The following SH3RF3 variants were observed in gnomAD, a reference collection of about 807,000 sequenced individuals.
The protein encoded by SH3RF3 is SH3 domain containing ring finger 3.
A neutral mutation model predicts 66.3 loss-of-function variants in SH3RF3; 29 were observed. The ratio of observed to expected loss-of-function variants is 0.44; its 90% CI spans 0.33 to 0.60. The LOEUF (loss-of-function observed/expected upper bound fraction) is 0.60. Ranked by LOEUF, SH3RF3 falls within the 20% of genes least tolerant of loss-of-function variation. The pLI is 0.04. For missense variants in SH3RF3, 1,194 were observed against 1,190.9 expected (o/e 1.00, Z -0.04); for synonymous variants, 583 against 532.0 (o/e 1.10, Z -1.32).
At chr2:109,498,821 G>T (rs1459249944) in intron 9 of SH3RF3, among the ~76,000 whole-genome samples, 1 of 152,190 alleles carries the variant, frequency 6.6e-6, no homozygotes, top group East Asian at 1.9e-4. Flanking sequence ...GGCAGTGGAA[G>T]ATGGTAAGAG....
chr2:109,304,892 G>C (rs909708806), intron 1 of SH3RF3, among the ~76,000 whole-genome samples: 4 of 152,172 alleles, frequency 2.6e-5, no homozygotes, highest in Non-Finnish European at 4.4e-5. Flanking sequence ...GGGTGACGCT[G>C]CTGAGGTCAA....
intron 1 of SH3RF3, among the ~76,000 whole-genome samples, chr2:109,327,573 A>G (rs1682188515): frequency 6.6e-6 from 1 of 152,204 alleles, no homozygotes. Context: ...GTTGGGAGAA[A>G]ATTACAGCTT....
At chr2:109,157,190 T>C (rs967426112) in intron 1 of SH3RF3, among the ~76,000 whole-genome samples, 1 of 152,168 alleles carries the variant, frequency 6.6e-6, no homozygotes, top group Non-Finnish European at 1.5e-5. Context: ...GATCATAGTA[T>C]TGACTGGGGA....
intron 1 of SH3RF3, among the ~76,000 whole-genome samples, chr2:109,231,719 C>T (rs368172861): frequency 3.3e-5 from 5 of 152,184 alleles, no homozygotes; most frequent in Admixed American, 6.5e-5. Flanking sequence ...TTAAATCTTA[C>T]CGTGCATGCT....
rs1339699725 is a variant in SH3RF3, at chr2:109,419,572, G to A, written c.1333G>A (p.Ala445Thr). ...CTCCTCGGCGGGATCTACCCCCACG[G>A]CTGTCCCACGGGCTGCCTCGGTGTC... The part of the protein sequence containing the change: ...VSSSAGSTPT[A>T]VPRAASVSGE... Residue 445 changes from alanine to threonine, a missense_variant, in exon 5 of 10, where the codon GCT becomes ACT. Coordinates refer to ENST00000309415, the MANE Select transcript of SH3RF3 (RefSeq NM_001099289.3). 1 of 1,598,670 alleles carries A rather than the reference G, an allele frequency of 6.3e-7. No individual in the cohort carries two copies. The highest frequency in any genetic ancestry group is 1.7e-5 in the Admixed American group (1 of 57,920).
intron 4 of SH3RF3, among the ~76,000 whole-genome samples, chr2:109,414,860 G>A (rs1676681184): frequency 6.6e-6 from 1 of 152,236 alleles, no homozygotes; most frequent in Non-Finnish European, 1.5e-5. Flanking sequence ...TCTTGTTGGT[G>A]GAGAAGGGAC....
intron 1 of SH3RF3, among the ~76,000 whole-genome samples, chr2:109,141,202 C>T (rs1374541715): frequency 1.3e-5 from 2 of 152,188 alleles, no homozygotes; most frequent in Non-Finnish European, 2.9e-5. Flanking sequence ...CAGTTTCTGG[C>T]TCCATTTTTA....
At chr2:109,286,943 C>G (rs1681042634) in intron 1 of SH3RF3, among the ~76,000 whole-genome samples, 1 of 152,126 alleles carries the variant, frequency 6.6e-6, no homozygotes, top group Non-Finnish European at 1.5e-5. Flanking sequence ...ATTTGTGGAC[C>G]CTGCCCAGGT....
chr2:109,427,617 A>G (rs934893012), intron 5 of SH3RF3, among the ~76,000 whole-genome samples: 7 of 152,156 alleles, frequency 4.6e-5, no homozygotes, highest in Non-Finnish European at 8.8e-5. Flanking sequence ...CCCCACACAC[A>G]AGTGTCAAAG....
At chr2:109,433,739 C>T (rs957037699) in intron 6 of SH3RF3, among the ~76,000 whole-genome samples, 2 of 152,202 alleles carry the variant, frequency 1.3e-5, no homozygotes, top group African/African-American at 2.4e-5. Flanking sequence ...TGCCCAGAAG[C>T]GGGGGCTAAG....
Position 109,158,990 on chromosome 2 carries a change from G to A in SH3RF3, c.573+28877G>A, listed in dbSNP as rs549485961. ...AAATTAGCTGGGTGTGGTGGCACACGCCTGTAATCCCAGCTACTTGGGAGG... is the reference window on the plus strand; with the variant it reads ...AAATTAGCTGGGTGTGGTGGCACACACCTGTAATCCCAGCTACTTGGGAGG... On this transcript the variant is annotated intron_variant, in intron 1 of 9. Coordinates refer to ENST00000309415, the MANE Select transcript of SH3RF3 (RefSeq NM_001099289.3). Among the ~76,000 whole-genome samples, 512 of 152,334 alleles carry A rather than the reference G, an allele frequency of 3.4e-3. 1 individual carries two copies. Among genetic ancestry groups the A allele is most frequent in the African/African-American group, 5.1e-3 (213 of 41,586 alleles).
chr2:109,184,516 G>A (rs148405777), intron 1 of SH3RF3, among the ~76,000 whole-genome samples: 3 of 152,234 alleles, frequency 2.0e-5, no homozygotes, highest in East Asian at 1.9e-4. Flanking sequence ...AGTCCTGTGC[G>A]GATAGAGCTG....
chr2:109,164,527 C>T (rs1325281176), intron 1 of SH3RF3, among the ~76,000 whole-genome samples: 6 of 152,166 alleles, frequency 3.9e-5, no homozygotes, highest in African/African-American at 1.4e-4. Flanking sequence ...CCAAGCCTGG[C>T]TGTTTCCCAG....
intron 3 of SH3RF3, 150 bp from the exon 4 acceptor site, chr2:109,398,440 C>T (rs1676211110): frequency 1.3e-6 from 1 of 740,950 alleles, no homozygotes; most frequent in East Asian, 2.7e-5. Context: ...TATGCCACCC[C>T]ACCAGCCTCT....
At chr2:109,226,016 G>A (rs1343331296) in intron 1 of SH3RF3, among the ~76,000 whole-genome samples, 1 of 152,200 alleles carries the variant, frequency 6.6e-6, no homozygotes, top group Non-Finnish European at 1.5e-5. Flanking sequence ...TAATATTAGA[G>A]TAGTATTTTG....
chr2:109,347,583 C>T (rs1305045866), intron 1 of SH3RF3, 91 bp from the exon 2 acceptor site: 28 of 1,501,196 alleles, frequency 1.9e-5, no homozygotes, highest in Non-Finnish European at 2.1e-5. Context: ...CACAGAAAGC[C>T]CCTGAGAAGC....
chr2:109,143,161 A>G (rs1372937765), intron 1 of SH3RF3, among the ~76,000 whole-genome samples: 5 of 152,206 alleles, frequency 3.3e-5, no homozygotes, highest in Non-Finnish European at 7.3e-5. Context: ...TTTTCATTTA[A>G]TGGTCCATTC....
Position 109,373,838 on chromosome 2 carries a change from G to A in SH3RF3, c.945+2157G>A, listed in dbSNP as rs377140953. On this transcript the variant is annotated intron_variant, in intron 3 of 9. Transcript: ENST00000309415. ...TCTTACCAAGGCAGCTGACAGTAGC[G>A]GAGGTGGCTGAAGGCTGCGTTGGGC... Among the ~76,000 whole-genome samples the A allele has an allele frequency of 2.6e-4, 39 of 152,298 alleles. No homozygotes were observed. The South Asian group carries it at 7.9e-3, about 31-fold the overall frequency.
intron 1 of SH3RF3, among the ~76,000 whole-genome samples, chr2:109,188,204 T>C (rs1678248058): frequency 6.6e-6 from 1 of 152,232 alleles, no homozygotes; most frequent in South Asian, 2.1e-4. Context: ...CCGAAGGGCT[T>C]TCCTGCTGCA....
Sources: gnomAD v4.1 joint callset for allele counts (sites outside exome capture counted in the v4.1 genomes callset) on GRCh38, gnomAD v4.1.1 for gene constraint, MANE v1.5 for transcripts, NCBI Gene and HGNC (gene_info 2026-07-23, HGNC 2026-07-21) for gene names.